The following PDE1A variants were observed in gnomAD, a reference collection of about 807,000 sequenced individuals.
PDE1A encodes the protein dual specificity calcium/calmodulin-dependent 3',5'-cyclic nucleotide phosphodiesterase 1A.
PDE1A carries 35 observed loss-of-function variants against 61.7 expected under a neutral mutation model. That is an observed-to-expected ratio of 0.57 (90% CI 0.43 to 0.75). The LOEUF (loss-of-function observed/expected upper bound fraction) is 0.75. Ranked by LOEUF, PDE1A falls within the 30% of genes least tolerant of loss-of-function variation. PDE1A has a pLI of 0.00. For missense variants in PDE1A, 597 were observed against 630.6 expected, an observed-to-expected ratio of 0.95 and a Z score of 0.57; for synonymous variants, 232 against 213.2, an observed-to-expected ratio of 1.09 and a Z score of -0.77.
chr2:182,373,097 T>C (rs833114), intron 1 of PDE1A, among the ~76,000 whole-genome samples: 1,750 of 152,324 alleles, frequency 0.011, 37 homozygotes, highest in African/African-American at 0.039. Context: ...TGTGGTTGTC[T>C]GTGAAGAAGA....
the PDE1A span, among the ~76,000 whole-genome samples, chr2:182,611,037 G>A: frequency 1.3e-5 from 2 of 152,144 alleles, no homozygotes; most frequent in African/African-American, 2.4e-5. Context: ...AAAGTTCTTT[G>A]AAAGGATATC....
At chr2:182,148,225 A>G (rs955788924) in intron 13 of PDE1A, among the ~76,000 whole-genome samples, 28 of 151,590 alleles carry the variant, frequency 1.8e-4, no homozygotes, top group African/African-American at 6.5e-4. Flanking sequence ...CAAAGATAAG[A>G]CTCCTTTCCC....
At chr2:182,359,104 A>G (rs2170400) in intron 1 of PDE1A, among the ~76,000 whole-genome samples, 39,490 of 151,942 alleles carry the variant, frequency 0.26, 5,442 homozygotes, top group East Asian at 0.46. Context: ...ACAAGTTAAC[A>G]TTGTTTGAAC....
At chr2:182,594,822 G>A in the PDE1A span, among the ~76,000 whole-genome samples, 1 of 152,140 alleles carries the variant, frequency 6.6e-6, no homozygotes, top group African/African-American at 2.4e-5. Context: ...AATGGATGCT[G>A]GTGGTCATAA....
At chr2:182,368,375 A>C (rs1699951287) in intron 1 of PDE1A, among the ~76,000 whole-genome samples, 1 of 148,742 alleles carries the variant, frequency 6.7e-6, no homozygotes, top group Non-Finnish European at 1.5e-5. Context: ...TTGATTGATA[A>C]GTTTATGAAG....
At chr2:182,300,165 G>A (rs1317651175) in intron 1 of PDE1A, among the ~76,000 whole-genome samples, 2 of 152,180 alleles carry the variant, frequency 1.3e-5, no homozygotes. Context: ...AGTCAGTTCT[G>A]CCCCATTTTG....
intron 13 of PDE1A, among the ~76,000 whole-genome samples, chr2:182,184,557 T>C (rs1434529164): frequency 2.0e-5 from 3 of 152,126 alleles, no homozygotes; most frequent in Non-Finnish European, 4.4e-5. Flanking sequence ...AGTATAACTG[T>C]GTTATAAGAA....
intron 2 of PDE1A, among the ~76,000 whole-genome samples, chr2:182,455,273 A>T (rs547593850): frequency 6.6e-6 from 1 of 152,338 alleles, no homozygotes; most frequent in East Asian, 1.9e-4. Flanking sequence ...GCTGGAGTGG[A>T]TGTGGAGAAA....
chr2:182,618,092 C>T, the PDE1A span, among the ~76,000 whole-genome samples: 73 of 152,208 alleles, frequency 4.8e-4, no homozygotes, highest in African/African-American at 9.6e-4. Context: ...TCTAATGTCA[C>T]GGACATTGTG....
chr2:182,332,530 G>T (rs1166815039), intron 1 of PDE1A, among the ~76,000 whole-genome samples: 1 of 152,064 alleles, frequency 6.6e-6, no homozygotes. Context: ...CCTTCGCATG[G>T]GGTTTCTGGG....
At chr2:182,143,966 C>T (rs557642787), downstream of PDE1A, among the ~76,000 whole-genome samples, 2 of 152,084 alleles carry the variant, frequency 1.3e-5, no homozygotes, top group Non-Finnish European at 2.9e-5. Flanking sequence ...GATAGGCATA[C>T]GGGCCTGTCA....
At chr2:182,601,176 G>C in the PDE1A span, among the ~76,000 whole-genome samples, 1 of 152,214 alleles carries the variant, frequency 6.6e-6, no homozygotes, top group African/African-American at 2.4e-5. Flanking sequence ...GGGTGAGCCA[G>C]GCATGGAGCT....
intron 6 of PDE1A, among the ~76,000 whole-genome samples, chr2:182,229,015 T>C (rs932914666): frequency 6.6e-6 from 1 of 152,186 alleles, no homozygotes; most frequent in Non-Finnish European, 1.5e-5. Flanking sequence ...GAACGGCTTA[T>C]TTGGTCCCAT....
intron 12 of PDE1A, 104 bp from the exon 13 acceptor site, chr2:182,186,183 G>A (rs948738929): frequency 1.6e-6 from 2 of 1,213,960 alleles, no homozygotes; most frequent in African/African-American, 3.0e-5. Context: ...CAGGATAGTA[G>A]ATGCTCAGTC....
chr2:182,532,177 G>C, the PDE1A span, among the ~76,000 whole-genome samples: 2 of 152,036 alleles, frequency 1.3e-5, no homozygotes, highest in African/African-American at 4.8e-5. Flanking sequence ...GTTCTATAAC[G>C]CTGTAGGATG....
intron 2 of PDE1A, among the ~76,000 whole-genome samples, chr2:182,478,584 T>G (rs1449519652): frequency 1.3e-5 from 2 of 151,898 alleles, no homozygotes; most frequent in African/African-American, 4.8e-5. Context: ...AAATACCTTT[T>G]AGTTCAGACC....
the PDE1A span, among the ~76,000 whole-genome samples, chr2:182,698,818 A>G: frequency 7.9e-5 from 12 of 152,214 alleles, no homozygotes; most frequent in African/African-American, 2.7e-4. Context: ...GCAAAGGGAT[A>G]AAACTGCCTG....
At chr2:182,241,046 C>T (rs567794678) in intron 2 of PDE1A, among the ~76,000 whole-genome samples, 36 of 152,264 alleles carry the variant, frequency 2.4e-4, no homozygotes, top group Admixed American at 9.8e-4. Flanking sequence ...ACAATGACCA[C>T]GCTCTGTATA....
the PDE1A span, among the ~76,000 whole-genome samples, chr2:182,632,569 C>T: frequency 6.6e-6 from 1 of 151,928 alleles, no homozygotes; most frequent in Non-Finnish European, 1.5e-5. Context: ...CTCTTTCTAC[C>T]TTAAAAATCA....
Sources: gnomAD v4.1 joint callset for allele counts (sites outside exome capture counted in the v4.1 genomes callset) on GRCh38, gnomAD v4.1.1 for gene constraint, MANE v1.5 for transcripts, NCBI Gene and HGNC (gene_info 2026-07-23, HGNC 2026-07-21) for gene names.